Variants in GET1 observed in about 807,000 individuals in gnomAD.
GET1 encodes guided entry of tail-anchored proteins factor 1, also known as congenital heart disease 5 protein.
A neutral mutation model predicts 22.6 loss-of-function variants in GET1; 20 were observed. The ratio of observed to expected loss-of-function variants is 0.89; its 90% CI spans 0.62 to 1.29. The LOEUF is 1.29. GET1 is among the 50% of genes most tolerant of loss of function. The probability of loss-of-function intolerance (pLI) is 0.00; values close to 1 mark genes in which losing one functional copy is unlikely to be tolerated. For synonymous variants in GET1, 92 were observed against 83.8 expected (o/e 1.10, Z -0.53); for missense variants, 209 against 219.9 (o/e 0.95, Z 0.31).
chr21:39,392,934 C>G, intron 3 of GET1: 1 of 487,818 alleles, frequency 2.0e-6, no homozygotes, highest in Non-Finnish European at 3.7e-6. Context: ...TGGCAGTGTT[C>G]AGACATGCTG....
downstream of GET1, among the ~76,000 whole-genome samples, chr21:39,408,231 A>G (rs1253543620): frequency 6.6e-6 from 1 of 152,244 alleles, no homozygotes; most frequent in Middle Eastern, 3.2e-3. Context: ...AGAGTTTCCT[A>G]TCTAGGCAAG....
intron 1 of GET1, among the ~76,000 whole-genome samples, chr21:39,417,828 T>C (rs8133460): frequency 0.59 from 90,060 of 151,820 alleles, 28,572 homozygotes; most frequent in African/African-American, 0.83. Flanking sequence ...TGCGGTGGCG[T>C]GATCTCCGCT....
chr21:39,420,603 T>C lies in GET1; in HGVS notation c.*24-7629T>C, dbSNP rs1215950742. The C allele has an allele frequency of 1.3e-5, 12 of 954,390 alleles. No individual in the cohort carries two copies. In the African/African-American group the frequency reaches 1.7e-4, roughly 13 times the overall value. 59.1% of individuals were successfully genotyped at this position (954,390 alleles called of 1,614,324 possible). The stretch of plus-strand genomic sequence containing the variant: ...ACAAAGGGTAGAGGAGCCTTATATA[T>C]GTATGTAAAATAAAAAATCACTTAA... On this transcript the variant is annotated intron_variant, in intron 1 of 1. Transcript: ENST00000478273.
At chr21:39,423,439 A>G in intron 1 of GET1, 1 of 1,592,734 alleles carries the variant, frequency 6.3e-7, no homozygotes, top group Non-Finnish European at 8.5e-7. Context: ...TTGAGAATTA[A>G]AGAGTGATGC....
At chr21:39,387,799 G>A (rs1482344316) in intron 1 of GET1, 12 of 985,488 alleles carry the variant, frequency 1.2e-5, no homozygotes, top group African/African-American at 1.8e-5. Context: ...GGCGGGTCGC[G>A]GCTTCCAAGC....
chr21:39,380,787 G>A (rs890711961), intron 1 of GET1: 1 of 1,094,788 alleles, frequency 9.1e-7, no homozygotes, highest in Non-Finnish European at 1.1e-6. Flanking sequence ...TGTCAGCCTC[G>A]TTTCCGTTAA....
chr21:39,422,903 A>G, intron 1 of GET1: 1 of 1,361,120 alleles, frequency 7.3e-7, no homozygotes, highest in Non-Finnish European at 1.0e-6. Flanking sequence ...GAGGGGGCGC[A>G]TCCATGATTA....
intron 1 of GET1, chr21:39,380,777 T>C (rs2037507815): frequency 9.0e-7 from 1 of 1,113,726 alleles, no homozygotes; most frequent in Non-Finnish European, 1.1e-6. Context: ...AGTGCCCCGC[T>C]GTCAGCCTCG....
chr21:39,427,957 G>T, intron 1 of GET1: 1 of 381,462 alleles, frequency 2.6e-6, no homozygotes, highest in South Asian at 4.0e-5. Context: ...AAGCCATGCA[G>T]GGGGCTAGGC....
intron 3 of GET1, chr21:39,392,840 A>G: frequency 4.2e-6 from 1 of 238,634 alleles, no homozygotes. Flanking sequence ...TGGTTAGTTT[A>G]TCAGCTAATT....
Position 39,390,679 on chromosome 21 carries a change from C to A in GET1, c.103-19C>A, listed in dbSNP as rs767178521. On this transcript the variant is annotated intron_variant, in intron 1 of 4. Transcript: ENST00000649170. ...GACCCGTGTTGGAAGGTGCTGATCC[C>A]CGTTGTCCGCCCTGCCAGATGTCCA... The A allele has an allele frequency of 2.5e-6, 4 of 1,613,604 alleles. No individual in the cohort carries two copies. The highest frequency in any genetic ancestry group is 2.2e-5 in the South Asian group (2 of 91,012).
intron 2 of GET1, chr21:39,391,151 T>C (rs1156563601): frequency 4.1e-6 from 1 of 242,460 alleles, no homozygotes; most frequent in Non-Finnish European, 8.1e-6. Flanking sequence ...CATTTTTAAA[T>C]TCATCACTTT....
downstream of GET1, among the ~76,000 whole-genome samples, chr21:39,401,452 T>G (rs77819691): frequency 1.1e-3 from 161 of 152,338 alleles, 3 homozygotes; most frequent in East Asian, 0.025. Flanking sequence ...TACAAATCTT[T>G]GTATCTTTCA....
intron 1 of GET1, among the ~76,000 whole-genome samples, chr21:39,383,283 T>C (rs146499228): frequency 4.7e-4 from 68 of 146,100 alleles, no homozygotes; most frequent in African/African-American, 1.7e-3. Flanking sequence ...TATTTTATTT[T>C]GTTTATTTAT....
chr21:39,418,379 C>T (rs2095326215), intron 1 of GET1, among the ~76,000 whole-genome samples: 1 of 152,122 alleles, frequency 6.6e-6, no homozygotes, highest in Non-Finnish European at 1.5e-5. Context: ...TGTGGAGGTA[C>T]ATTTAATTTT....
At chr21:39,428,125 T>A (rs753263681) in intron 1 of GET1, 2 of 1,101,494 alleles carry the variant, frequency 1.8e-6, no homozygotes, top group Admixed American at 4.4e-5. Flanking sequence ...TAAAATAACA[T>A]CATTATGACA....
At chr21:39,416,073 T>A (rs774280154) in intron 1 of GET1, among the ~76,000 whole-genome samples, 5 of 152,218 alleles carry the variant, frequency 3.3e-5, no homozygotes, top group African/African-American at 4.8e-5. Context: ...TCTAATCCTG[T>A]CATTCCTTCT....
Position 39,397,237 on chromosome 21 carries a change from G to T in GET1, c.*298G>T, listed in dbSNP as rs1393182067. On this transcript the variant is annotated 3_prime_UTR_variant, in exon 5 of 5. Coordinates refer to ENST00000649170, the MANE Select transcript of GET1 (RefSeq NM_004627.6). ...ATCTCCATGCTGTCACTTGTGATTT[G>T]CCCTCTTATGTATTTTGGTCATATT... The T allele has an allele frequency of 2.4e-5, 7 of 293,912 alleles. No homozygotes were observed. The Admixed American group carries it at 2.5e-4, about 11-fold the overall frequency. The allele number at this position is 293,912 out of a possible 1,614,324, so 18.2% of individuals were successfully genotyped here.
chr21:39,396,779 T>A (rs1353124441), intron 4 of GET1, 87 bp from the exon 5 acceptor site: 1 of 1,202,082 alleles, frequency 8.3e-7, no homozygotes, highest in Non-Finnish European at 1.2e-6. Flanking sequence ...ATGGAAATAC[T>A]CTCTTTGCTG....
Sources: gnomAD v4.1 joint callset for allele counts (sites outside exome capture counted in the v4.1 genomes callset) on GRCh38, gnomAD v4.1.1 for gene constraint, MANE v1.5 for transcripts, NCBI Gene and HGNC (gene_info 2026-07-23, HGNC 2026-07-21) for gene names.